HNMT: variants seen among roughly 807,000 people sequenced by gnomAD.
HNMT encodes the protein histamine N-methyltransferase.
In HNMT, 30 loss-of-function variants were observed where a neutral mutation model predicts 32.1. That is an observed-to-expected ratio of 0.93 (90% CI 0.70 to 1.27). HNMT has a LOEUF of 1.27. Among genes scored for constraint, HNMT ranks in the 50% most tolerant of loss-of-function variants. The pLI, the probability that HNMT is intolerant of heterozygous loss-of-function variation, is 0.00. For synonymous variants in HNMT, 125 were observed against 119.0 expected (o/e 1.05, Z -0.33); for missense variants, 327 against 346.0 (o/e 0.95, Z 0.43).
intron 2 of HNMT, among the ~76,000 whole-genome samples, chr2:137,972,922 G>A (rs975777549): frequency 6.6e-6 from 1 of 152,172 alleles, no homozygotes; most frequent in Non-Finnish European, 1.5e-5. Flanking sequence ...CGTTTGGCCT[G>A]CACAGTGAGT....
chr2:138,012,735 T>C (rs967051016), intron 5 of HNMT, among the ~76,000 whole-genome samples: 2 of 152,116 alleles, frequency 1.3e-5, no homozygotes, highest in Non-Finnish European at 2.9e-5. Context: ...TTCTGTCTTC[T>C]CAGGCGCCCT....
rs1680112697 is a variant in HNMT at position 137,970,936 on chromosome 2, AGAAAGAAAGAAAGAAAG to A, written c.190+720_190+736del. ...CTACGTCTCAAAAAAAAAAAAAAAA[AGAAAGAAAGAAAGAAAG>A]AAAGAAAGAAAGAAAGAAAAAAGAA... is the stretch of plus-strand genomic sequence containing the variant. On this transcript the variant is annotated intron_variant, in intron 2 of 5. Transcript: ENST00000280097. Among the ~76,000 whole-genome samples, 3 of 22,818 alleles carry A rather than the reference AGAAAGAAAGAAAGAAAG, an allele frequency of 1.3e-4. 1 individual carries two copies. Among genetic ancestry groups the A allele is most frequent in the African/African-American group, 1.8e-4 (3 of 17,032 alleles). The allele number at this position is 22,818 out of a possible 152,430, so 15.0% of individuals were successfully genotyped here. A position where few individuals can be genotyped will look rare whatever the true frequency, so the allele number is the denominator to read the frequency against.
At chr2:138,004,897 T>G (rs1681284655) in intron 4 of HNMT, among the ~76,000 whole-genome samples, 1 of 152,028 alleles carries the variant, frequency 6.6e-6, no homozygotes, top group African/African-American at 2.4e-5. Context: ...AAGAGTAAAT[T>G]TAAAACCATT....
intron 4 of HNMT, 145 bp from the exon 5 acceptor site, chr2:138,004,987 C>T (rs1409947214): frequency 1.2e-5 from 7 of 563,356 alleles, no homozygotes; most frequent in East Asian, 8.6e-5. Context: ...CTTCATGCAA[C>T]GTCTTTAATC....
intron 5 of HNMT, among the ~76,000 whole-genome samples, chr2:138,007,849 G>A (rs1349148439): frequency 6.6e-6 from 1 of 151,882 alleles, no homozygotes; most frequent in Non-Finnish European, 1.5e-5. Context: ...AGGTCCCACC[G>A]TGACTCTTTT....
intron 2 of HNMT, among the ~76,000 whole-genome samples, chr2:137,986,819 T>C (rs757371250): frequency 6.6e-6 from 1 of 152,224 alleles, no homozygotes; most frequent in Non-Finnish European, 1.5e-5. Context: ...TTGGTGCATA[T>C]CTTTCTAAAC....
intron 2 of HNMT, among the ~76,000 whole-genome samples, chr2:137,988,977 A>G (rs1027052631): frequency 2.0e-4 from 30 of 152,284 alleles, no homozygotes; most frequent in Admixed American, 1.5e-3. Flanking sequence ...AGGTACAGAG[A>G]TTTTCCATAC....
chr2:137,998,845 T>C (rs975479154), intron 2 of HNMT, among the ~76,000 whole-genome samples: 3 of 152,198 alleles, frequency 2.0e-5, no homozygotes, highest in African/African-American at 7.2e-5. Flanking sequence ...ATCCTCATAA[T>C]TGATAATTTT....
chr2:137,976,021 C>CT (rs1387808329), intron 2 of HNMT, among the ~76,000 whole-genome samples: 5 of 152,150 alleles, frequency 3.3e-5, no homozygotes, highest in Admixed American at 3.3e-4. Context: ...AATCCCAGTA[C>CT]TTTGGGAGGC....
At chr2:137,984,094 C>T (rs1256869205) in intron 2 of HNMT, among the ~76,000 whole-genome samples, 3 of 152,116 alleles carry the variant, frequency 2.0e-5, no homozygotes, top group Non-Finnish European at 2.9e-5. Context: ...TGTTGTGCAT[C>T]CACCACAATT....
At chr2:137,993,978 T>G (rs1680905871) in intron 2 of HNMT, among the ~76,000 whole-genome samples, 1 of 152,182 alleles carries the variant, frequency 6.6e-6, no homozygotes, top group Admixed American at 6.5e-5. Context: ...GCTGAGGAAT[T>G]TTGTTGTTAC....
intron 2 of HNMT, among the ~76,000 whole-genome samples, chr2:137,984,112 C>T (rs1680582544): frequency 6.6e-6 from 1 of 152,128 alleles, no homozygotes; most frequent in Admixed American, 6.6e-5. Flanking sequence ...ATTTTTCTGC[C>T]TTATAACTTT....
Position 138,014,176 on chromosome 2 carries a change from C to A in HNMT, c.*46C>A. 3 of 1,159,568 alleles carry A rather than the reference C, an allele frequency of 2.6e-6. No homozygotes were observed. The highest frequency in any genetic ancestry group is 3.7e-6 in the Non-Finnish European group (3 of 811,504). 71.8% of individuals were successfully genotyped at this position (1,159,568 alleles called of 1,614,324 possible). A position where few individuals can be genotyped will look rare whatever the true frequency, so the allele number is the denominator to read the frequency against. On this transcript the variant is annotated 3_prime_UTR_variant, in exon 6 of 6. Transcript: ENST00000280097. ...TTCAAAAATTATATTTTGAACAACT[C>A]GAATCACTCATTTATTTCCATATTA...
At chr2:138,001,776 T>C (rs1421603153) in intron 3 of HNMT, among the ~76,000 whole-genome samples, 1 of 152,136 alleles carries the variant, frequency 6.6e-6, no homozygotes, top group Admixed American at 6.6e-5. Flanking sequence ...CACTTTCCAT[T>C]GATAAAATTC....
At chr2:137,980,166 G>A (rs1680445660) in intron 2 of HNMT, among the ~76,000 whole-genome samples, 1 of 151,934 alleles carries the variant, frequency 6.6e-6, no homozygotes, top group Admixed American at 6.6e-5. Context: ...CTCCCCAGTA[G>A]CTGGGACTAC....
intron 5 of HNMT, among the ~76,000 whole-genome samples, chr2:138,010,434 G>GACACAAAAAGAC (rs1681460446): frequency 2.5e-5 from 3 of 117,658 alleles, no homozygotes; most frequent in Non-Finnish European, 5.3e-5. Flanking sequence ...CAATAAAAAA[G>GACACAAAAAGAC]ACACACGCAC....
intron 5 of HNMT, among the ~76,000 whole-genome samples, chr2:138,010,366 G>T (rs1049747207): frequency 6.6e-6 from 1 of 151,256 alleles, no homozygotes; most frequent in Non-Finnish European, 1.5e-5. Flanking sequence ...CGAAATCAGA[G>T]AACACAGGAA....
rs140451476 is a variant in HNMT at position 137,973,872 on chromosome 2, G to A, written c.190+3655G>A. Among the ~76,000 whole-genome samples the A allele has an allele frequency of 6.3e-4, 96 of 152,144 alleles. 1 individual carries two copies. In the East Asian group the frequency reaches 0.017, roughly 28 times the overall value. On this transcript the variant is annotated intron_variant, in intron 2 of 5. Transcript: ENST00000280097. ...CGATTAGCCTCTCCTCTTGAGTCTG[G>A]TGTTTGTGTGGAAAGAGTTTTCATA...
chr2:137,973,779 T>TGG (rs1553488687), intron 2 of HNMT, among the ~76,000 whole-genome samples: 2 of 148,312 alleles, frequency 1.3e-5, no homozygotes, highest in African/African-American at 2.5e-5. Context: ...TGGTTTTTTT[T>TGG]GGGGGGGGGT....
Sources: gnomAD v4.1 joint callset for allele counts (sites outside exome capture counted in the v4.1 genomes callset) on GRCh38, gnomAD v4.1.1 for gene constraint, MANE v1.5 for transcripts, NCBI Gene and HGNC (gene_info 2026-07-23, HGNC 2026-07-21) for gene names.